CCDC33: variants seen among roughly 807,000 people sequenced by gnomAD.
CCDC33 encodes coiled-coil domain containing 33, also known as coiled-coil domain-containing protein 33.
CCDC33 carries 94 observed loss-of-function variants against 91.9 expected under a neutral mutation model. That is an observed-to-expected ratio of 1.02 (90% CI 0.87 to 1.21). The LOEUF is 1.21. Ranked by LOEUF, CCDC33 falls within the 50% of genes most tolerant of loss-of-function variation. The pLI, the probability that CCDC33 is intolerant of heterozygous loss-of-function variation, is 0.00. For missense variants in CCDC33, 940 were observed against 935.5 expected, an observed-to-expected ratio of 1.00 and a Z score of -0.06; for synonymous variants, 396 against 374.5, an observed-to-expected ratio of 1.06 and a Z score of -0.66.
rs77396610 is a variant in CCDC33, at chr15:74,332,736, C to T, written c.1829C>T (p.Pro610Leu). The T allele has an allele frequency of 6.8e-3, 10,968 of 1,614,190 alleles. 119 individuals carry two copies. The highest frequency in any genetic ancestry group is 0.032 in the South Asian group (2,876 of 91,078). The change falls in exon 16 of 19, where the codon CCG becomes CTG. Residue 610 changes from proline to leucine, a missense_variant. By Grantham distance (98) the Pro-to-Leu change is moderately conservative (BLOSUM62 -3). Transcript: ENST00000398814. ...TTGGGTTCTATGGGAGAGAACCTGC[C>T]GGTTGAACTTTACTCGGTGCTGCTG... is the stretch of plus-strand genomic sequence containing the variant. ...LPLGSMGENLPVELYSVLLAE... is the reference protein window; with the variant it reads ...LPLGSMGENLLVELYSVLLAE...
chr15:74,254,471 C>G lies in CCDC33; in HGVS notation c.186-7969C>G, dbSNP rs183879965. On this transcript the variant is annotated intron_variant, in intron 2 of 18. Coordinates refer to ENST00000398814, the MANE Select transcript of CCDC33 (RefSeq NM_025055.5). ...TTCCTCTCCTGAACCCTCAACCCAA[C>G]TCGGACACCACCGGTGCCTCCAGCT... Among the ~76,000 whole-genome samples, 13 of 152,366 alleles carry G rather than the reference C, an allele frequency of 8.5e-5. No individual in the cohort carries two copies. The East Asian group carries it at 2.5e-3, about 29-fold the overall frequency.
At chr15:74,284,337 A>C (rs1487656949) in intron 10 of CCDC33, among the ~76,000 whole-genome samples, 1 of 152,190 alleles carries the variant, frequency 6.6e-6, no homozygotes, top group Non-Finnish European at 1.5e-5. Context: ...GGGCTTGGAC[A>C]TGGCTCTCTA....
Position 74,295,847 on chromosome 15 carries a change from T to C in CCDC33, c.1189T>C (p.Ser397Pro), listed in dbSNP as rs199650392. 838 of 1,614,018 alleles carry C rather than the reference T, an allele frequency of 5.2e-4. 5 individuals carry two copies. In the African/African-American group the frequency reaches 0.01, roughly 20 times the overall value. ...LDKKLRTIQE[S>P]WSKDTVSSTM... Reference sequence around the variant, plus strand: ...TAAGAAGCTGAGAACCATCCAAGAGTCCTGGTCCAAGGACACAGTGAGCTC... The same window carrying C: ...TAAGAAGCTGAGAACCATCCAAGAGCCCTGGTCCAAGGACACAGTGAGCTC... Residue 397 changes from serine to proline, a missense_variant, in exon 11 of 19, where the codon TCC becomes CCC. Ser to Pro is a moderately conservative substitution (Grantham distance 74, BLOSUM62 -1). Coordinates refer to ENST00000398814, the MANE Select transcript of CCDC33 (RefSeq NM_025055.5).
chr15:74,261,518 TAG>T (rs1485387079), intron 2 of CCDC33, among the ~76,000 whole-genome samples: 1 of 152,166 alleles, frequency 6.6e-6, no homozygotes, highest in Non-Finnish European at 1.5e-5. Flanking sequence ...GGGGTACCAT[TAG>T]TGCGTCTTGC....
At chr15:74,308,299 A>G (rs1346672206) in intron 11 of CCDC33, among the ~76,000 whole-genome samples, 2 of 150,802 alleles carry the variant, frequency 1.3e-5, no homozygotes, top group Admixed American at 6.6e-5. Flanking sequence ...TTTCAGTACA[A>G]TCCAATTTCT....
chr15:74,273,092 A>G, intron 7 of CCDC33, among the ~76,000 whole-genome samples: 1 of 152,286 alleles, frequency 6.6e-6, no homozygotes. Flanking sequence ...GATGGGAGTC[A>G]CGTGGGTGAA....
intron 9 of CCDC33, 121 bp downstream of exon 9, chr15:74,280,922 G>C: frequency 1.9e-6 from 2 of 1,038,608 alleles, no homozygotes; most frequent in Non-Finnish European, 2.5e-6. Context: ...CTTCTGTCAA[G>C]GCACCCACCA....
chr15:74,245,568 G>A (rs1193134489), intron 2 of CCDC33, among the ~76,000 whole-genome samples: 1 of 152,222 alleles, frequency 6.6e-6, no homozygotes, highest in Non-Finnish European at 1.5e-5. Flanking sequence ...CGGCCTGGGC[G>A]GCGGGGCGGG....
chr15:74,271,837 G>A (rs749110814), intron 6 of CCDC33, 43 bp downstream of exon 6: 32 of 1,507,062 alleles, frequency 2.1e-5, no homozygotes, highest in Non-Finnish European at 2.9e-5. Flanking sequence ...GGGCAGAGCA[G>A]AGGGCAGAGG....
chr15:74,281,589 G>A (rs1405672484), intron 9 of CCDC33, among the ~76,000 whole-genome samples, 189 bp from the exon 10 acceptor site: 2 of 152,250 alleles, frequency 1.3e-5, no homozygotes, highest in African/African-American at 4.8e-5. Context: ...GGTCTCTAGA[G>A]GGGTTTAGAA....
intron 2 of CCDC33, among the ~76,000 whole-genome samples, chr15:74,248,149 C>T (rs1020940728): frequency 2.6e-5 from 4 of 151,964 alleles, no homozygotes; most frequent in Non-Finnish European, 5.9e-5. Flanking sequence ...ACCACATACA[C>T]GAAAGGTAAC....
intron 5 of CCDC33, 31 bp downstream of exon 5, chr15:74,268,489 G>T: frequency 1.4e-6 from 2 of 1,456,734 alleles, no homozygotes; most frequent in South Asian, 1.2e-5. Context: ...TGGGGTGGTG[G>T]TGGGGGTGGG....
downstream of CCDC33, chr15:74,336,231 TG>T (rs1223701345): frequency 7.0e-7 from 1 of 1,429,306 alleles, no homozygotes; most frequent in East Asian, 2.7e-5. Context: ...GGTCTTCTGC[TG>T]CAGCCTTACA....
At chr15:74,281,977 G>A (rs1367100107) in intron 10 of CCDC33, 128 bp downstream of exon 10, 13 of 735,252 alleles carry the variant, frequency 1.8e-5, no homozygotes, top group South Asian at 1.5e-4. Flanking sequence ...GGATAGAAAC[G>A]TCTAAGGGTG....
intron 11 of CCDC33, among the ~76,000 whole-genome samples, chr15:74,306,919 C>A (rs1264079892): frequency 6.6e-6 from 1 of 152,116 alleles, no homozygotes; most frequent in Non-Finnish European, 1.5e-5. Context: ...CTGACTGACC[C>A]CTCCCCTCCT....
intron 1 of CCDC33, among the ~76,000 whole-genome samples, chr15:74,241,023 T>C (rs998688584): frequency 1.4e-4 from 22 of 152,164 alleles, no homozygotes; most frequent in African/African-American, 4.8e-4. Context: ...GGGAGGAAGC[T>C]GCCTACCCAG....
At chr15:74,246,898 G>C (rs1367451218) in intron 2 of CCDC33, among the ~76,000 whole-genome samples, 1 of 152,196 alleles carries the variant, frequency 6.6e-6, no homozygotes, top group Non-Finnish European at 1.5e-5. Flanking sequence ...TGTAATCCCA[G>C]CACTTTGCGG....
chr15:74,286,151 C>T (rs1255275943), intron 10 of CCDC33, among the ~76,000 whole-genome samples: 1 of 152,132 alleles, frequency 6.6e-6, no homozygotes, highest in African/African-American at 2.4e-5. Flanking sequence ...GAGGCTGAGG[C>T]AGGAGAATAA....
In CCDC33 at chr15:74,281,794, C is replaced by T. The variant is rs374865411; in HGVS notation, c.1040C>T (p.Thr347Ile). ...RLPIMDTSLK[T>I]INDEAPTVAL... ...CCTCCCCAGGACACCAGCCTGAAAA[C>T]TATCAATGATGAGGCCCCCACAGTG... The change falls in exon 10 of 19, where the codon ACT becomes ATT. Residue 347 changes from threonine (T) to isoleucine (I), a missense_variant. Physicochemically the swap from Thr to Ile is moderately conservative, Grantham distance 89 (BLOSUM62 -1). Coordinates refer to ENST00000398814, the MANE Select transcript of CCDC33 (RefSeq NM_025055.5). The T allele has an allele frequency of 5.0e-6, 8 of 1,613,902 alleles. No individual in the cohort carries two copies. In the African/African-American group the frequency reaches 6.7e-5, roughly 13 times the overall value.
Sources: allele counts gnomAD v4.1 joint callset (sites outside exome capture counted in the v4.1 genomes callset), GRCh38; gene constraint gnomAD v4.1.1; transcripts MANE v1.5; gene names NCBI Gene and HGNC (gene_info 2026-07-23, HGNC 2026-07-21).